Variants in CNTNAP2 observed in about 807,000 individuals in gnomAD.
CNTNAP2 encodes the protein contactin-associated protein-like 2.
A neutral mutation model predicts 155.2 loss-of-function variants in CNTNAP2; 98 were observed. That is an observed-to-expected ratio of 0.63 (90% CI 0.54 to 0.75). CNTNAP2 has a LOEUF of 0.75. CNTNAP2 is among the 30% of genes least tolerant of loss of function. CNTNAP2 has a pLI of 0.00. For missense variants in CNTNAP2, 1,727 were observed against 1,688.1 expected (o/e 1.02, Z -0.40); for synonymous variants, 651 against 631.2 (o/e 1.03, Z -0.47).
chr7:146,117,005 G>C (rs1797493773), intron 1 of CNTNAP2, 32 bp downstream of exon 1: 8 of 1,534,182 alleles, frequency 5.2e-6, no homozygotes, highest in Non-Finnish European at 7.1e-6. Flanking sequence ...CTGCTCTGGA[G>C]CAGTTTCAGT....
chr7:148,105,126 TAAC>T (rs1202341949), intron 15 of CNTNAP2, among the ~76,000 whole-genome samples: 23 of 152,164 alleles, frequency 1.5e-4, no homozygotes, highest in African/African-American at 5.3e-4. Flanking sequence ...GTAATTATAA[TAAC>T]AAGTTAGATG....
chr7:147,519,590 C>T (rs571108196), intron 11 of CNTNAP2, among the ~76,000 whole-genome samples: 1 of 152,334 alleles, frequency 6.6e-6, no homozygotes, highest in South Asian at 2.1e-4. Flanking sequence ...TGGCCAGGCA[C>T]AGTGGCTCAT....
chr7:148,302,813 C>CTTTTTTTTTTTTTTTTT (rs59354674), intron 21 of CNTNAP2, among the ~76,000 whole-genome samples: 1 of 86,938 alleles, frequency 1.2e-5, no homozygotes. Flanking sequence ...CTCGATTATT[C>CTTTTTTTTTTTTTTTTT]TTTTTTTTTT....
chr7:148,166,485 A>G (rs556697980), intron 17 of CNTNAP2, among the ~76,000 whole-genome samples: 1 of 124,204 alleles, frequency 8.1e-6, no homozygotes, highest in African/African-American at 3.9e-5. Context: ...ATTTGAGGAC[A>G]GTGTTTTTTT....
At chr7:146,863,712 T>C (rs542766057) in intron 3 of CNTNAP2, among the ~76,000 whole-genome samples, 50 of 152,278 alleles carry the variant, frequency 3.3e-4, no homozygotes, top group African/African-American at 9.6e-4. Context: ...GAAGCTTTTC[T>C]GAGCTCATAC....
intron 10 of CNTNAP2, among the ~76,000 whole-genome samples, chr7:147,446,251 G>A (rs1797738205): frequency 6.8e-6 from 1 of 146,538 alleles, no homozygotes; most frequent in South Asian, 2.2e-4. Flanking sequence ...TTGTTTCCTA[G>A]ATTCCAAGGT....
At chr7:146,810,303 T>C (rs542313121) in intron 2 of CNTNAP2, among the ~76,000 whole-genome samples, 393 of 151,630 alleles carry the variant, frequency 2.6e-3, no homozygotes, top group Non-Finnish European at 4.8e-3. Context: ...AGCTTTCTTT[T>C]TTTTTTTTTT....
chr7:147,922,159 T>C (rs1291667782), intron 14 of CNTNAP2, among the ~76,000 whole-genome samples: 1 of 152,194 alleles, frequency 6.6e-6, no homozygotes, highest in Non-Finnish European at 1.5e-5. Flanking sequence ...AAATTACAAA[T>C]ATCGAAAGGA....
At chr7:146,523,504 G>A (rs1261420530) in intron 1 of CNTNAP2, among the ~76,000 whole-genome samples, 2 of 151,882 alleles carry the variant, frequency 1.3e-5, no homozygotes, top group Non-Finnish European at 2.9e-5. Context: ...ATCATATCAT[G>A]TCCAAAATAA....
intron 4 of CNTNAP2, chr7:147,097,667 A>G (rs1800568653): frequency 6.6e-6 from 1 of 152,212 alleles, no homozygotes; most frequent in Non-Finnish European, 1.5e-5. Flanking sequence ...TGGGAGTACA[A>G]TTCAAGATGA....
intron 3 of CNTNAP2, among the ~76,000 whole-genome samples, chr7:146,952,826 G>A (rs1160852424): frequency 6.6e-6 from 1 of 152,006 alleles, no homozygotes; most frequent in African/African-American, 2.4e-5. Flanking sequence ...AGAGACAGAA[G>A]ATGTCCAGTA....
At chr7:147,777,890 C>A (rs1274552122) in intron 13 of CNTNAP2, among the ~76,000 whole-genome samples, 20 of 152,136 alleles carry the variant, frequency 1.3e-4, no homozygotes, top group Admixed American at 1.3e-3. Flanking sequence ...AATAATACAT[C>A]TTTAGCCTGA....
At chr7:147,985,564 G>C (rs1186939682) in intron 15 of CNTNAP2, among the ~76,000 whole-genome samples, 4 of 151,936 alleles carry the variant, frequency 2.6e-5, no homozygotes. Context: ...ACTGCTCCCA[G>C]TCCCATGCTT....
intron 21 of CNTNAP2, among the ~76,000 whole-genome samples, chr7:148,310,860 G>C (rs1375143039): frequency 6.6e-6 from 1 of 152,198 alleles, no homozygotes; most frequent in Non-Finnish European, 1.5e-5. Flanking sequence ...TGCGTAGAGG[G>C]GGAGGTTCGA....
At chr7:146,739,967 T>A (rs1486402653) in intron 1 of CNTNAP2, among the ~76,000 whole-genome samples, 3 of 152,126 alleles carry the variant, frequency 2.0e-5, no homozygotes, top group Non-Finnish European at 4.4e-5. Flanking sequence ...ACTTCTATTC[T>A]CTTTTGGTTT....
intron 1 of CNTNAP2, among the ~76,000 whole-genome samples, chr7:146,729,092 G>C (rs1801481334): frequency 6.6e-6 from 1 of 152,176 alleles, no homozygotes. Context: ...GCGGAGCTCA[G>C]TTGAAGTATT....
intron 1 of CNTNAP2, among the ~76,000 whole-genome samples, chr7:146,763,534 A>G (rs750038178): frequency 6.6e-6 from 1 of 152,160 alleles, no homozygotes; most frequent in Non-Finnish European, 1.5e-5. Context: ...ATAAATTGTC[A>G]TTGAAGGAAA....
At chr7:147,842,534 A>G (rs563763661) in intron 13 of CNTNAP2, among the ~76,000 whole-genome samples, 17 of 137,888 alleles carry the variant, frequency 1.2e-4, no homozygotes, top group African/African-American at 4.0e-4. Flanking sequence ...TTATATTTAG[A>G]TTTAAATATT....
chr7:146,254,136 C>T (rs577776508), intron 1 of CNTNAP2, among the ~76,000 whole-genome samples: 2 of 123,308 alleles, frequency 1.6e-5, no homozygotes, highest in East Asian at 2.3e-4. Context: ...CTTGCACACA[C>T]ACACACACAC....
Sources: allele counts gnomAD v4.1 joint callset (sites outside exome capture counted in the v4.1 genomes callset), GRCh38; gene constraint gnomAD v4.1.1; transcripts MANE v1.5; gene names NCBI Gene and HGNC (gene_info 2026-07-23, HGNC 2026-07-21).